The following KAT6A variants were observed in gnomAD, a reference collection of about 807,000 sequenced individuals.
The protein encoded by KAT6A is lysine acetyltransferase 6A.
In KAT6A, 9 loss-of-function variants were observed where a neutral mutation model predicts 198.4. That is an observed-to-expected ratio of 0.05 (90% CI 0.03 to 0.08). The LOEUF (loss-of-function observed/expected upper bound fraction) is 0.08, where lower values mean the gene tolerates loss of function less well. Among genes scored for constraint, KAT6A ranks in the 10% least tolerant of loss-of-function variants. The probability of loss-of-function intolerance (pLI) is 1.00; values close to 1 mark genes in which losing one functional copy is unlikely to be tolerated. For missense variants in KAT6A, 2,077 were observed against 2,509.9 expected, an observed-to-expected ratio of 0.83 and a Z score of 3.69; for synonymous variants, 890 against 883.0, an observed-to-expected ratio of 1.01 and a Z score of -0.14.
chr8:41,976,931 T>C (rs527592214), intron 7 of KAT6A, 77 bp downstream of exon 7: 1 of 1,162,970 alleles, frequency 8.6e-7, no homozygotes, highest in East Asian at 2.4e-5. Context: ...TATAAATCCA[T>C]TATAGATAAT....
At chr8:41,952,465 C>A (rs1389680648) in intron 9 of KAT6A, among the ~76,000 whole-genome samples, 1 of 152,146 alleles carries the variant, frequency 6.6e-6, no homozygotes, top group African/African-American at 2.4e-5. Context: ...TACTGATAAA[C>A]CAAATGAAAC....
chr8:42,025,737 T>C (rs779316729), intron 2 of KAT6A, among the ~76,000 whole-genome samples: 1 of 152,236 alleles, frequency 6.6e-6, no homozygotes, highest in Non-Finnish European at 1.5e-5. Flanking sequence ...TTTTCTTTGT[T>C]GGGCAGTAGC....
intron 12 of KAT6A, among the ~76,000 whole-genome samples, chr8:41,944,522 G>A (rs907070216): frequency 6.6e-6 from 1 of 152,124 alleles, no homozygotes; most frequent in Non-Finnish European, 1.5e-5. Context: ...GTCCTCTATA[G>A]TGCACAACTC....
At chr8:41,958,776 A>T (rs1477329786) in intron 8 of KAT6A, among the ~76,000 whole-genome samples, 1 of 152,246 alleles carries the variant, frequency 6.6e-6, no homozygotes, top group Non-Finnish European at 1.5e-5. Flanking sequence ...ATTAACTGGC[A>T]TAAGTAAGGA....
chr8:41,944,108 A>C (rs1587723627), intron 12 of KAT6A, 129 bp from the exon 13 acceptor site: 2 of 632,346 alleles, frequency 3.2e-6, no homozygotes, highest in East Asian at 5.5e-5. Flanking sequence ...CAAAAAAAAA[A>C]AGAGAGAAAC....
At chr8:41,948,015 G>C in intron 10 of KAT6A, 103 bp from the exon 11 acceptor site, 1 of 921,716 alleles carries the variant, frequency 1.1e-6, no homozygotes, top group Admixed American at 3.3e-5. Context: ...GTCCAGACTA[G>C]GAGAAGGTGT....
At chr8:42,017,138 T>C (rs1209597105) in intron 2 of KAT6A, among the ~76,000 whole-genome samples, 1 of 152,236 alleles carries the variant, frequency 6.6e-6, no homozygotes, top group African/African-American at 2.4e-5. Context: ...AGATTATCTA[T>C]GTATCTCTAT....
chr8:41,977,923 G>A (rs1824141966), intron 6 of KAT6A, among the ~76,000 whole-genome samples: 1 of 152,102 alleles, frequency 6.6e-6, no homozygotes, highest in Non-Finnish European at 1.5e-5. Flanking sequence ...AGTCTTACGT[G>A]TAAAAAAAGT....
intron 2 of KAT6A, among the ~76,000 whole-genome samples, chr8:42,004,936 A>G (rs944535657): frequency 6.6e-6 from 1 of 152,132 alleles, no homozygotes; most frequent in Non-Finnish European, 1.5e-5. Flanking sequence ...CTCTAAAAAA[A>G]AAAAAGGCAC....
chr8:42,035,831 G>A (rs1827349731), intron 2 of KAT6A, among the ~76,000 whole-genome samples: 1 of 152,148 alleles, frequency 6.6e-6, no homozygotes, highest in African/African-American at 2.4e-5. Context: ...ATAGAAAGAA[G>A]GATCTGCAGT....
Position 41,931,527 on chromosome 8 carries a change from C to A in KAT6A, c.*678G>T. On this transcript the variant is annotated 3_prime_UTR_variant, in exon 17 of 17. Transcript: ENST00000265713. Reference sequence around the variant, plus strand: ...GAACAACAAAGATTTCAATGAAGTCCGTCTATAAAGAAACATTCTTGGGGA... The same window carrying A: ...GAACAACAAAGATTTCAATGAAGTCAGTCTATAAAGAAACATTCTTGGGGA... 1 of 205,634 alleles carries A rather than the reference C, an allele frequency of 4.9e-6. No individual in the cohort carries two copies. Among genetic ancestry groups the A allele is most frequent in the Non-Finnish European group, 9.9e-6 (1 of 100,566 alleles). 12.7% of individuals were successfully genotyped at this position (205,634 alleles called of 1,614,324 possible). A position where few individuals can be genotyped will look rare whatever the true frequency, so the allele number is the denominator to read the frequency against.
At chr8:42,041,894 G>GT (rs1262873965) in intron 2 of KAT6A, among the ~76,000 whole-genome samples, 12 of 151,598 alleles carry the variant, frequency 7.9e-5, no homozygotes, top group South Asian at 2.1e-4. Flanking sequence ...AAGATTTTTT[G>GT]TTTTTTTTGT....
At chr8:42,024,028 T>C (rs981727285) in intron 2 of KAT6A, among the ~76,000 whole-genome samples, 1 of 152,190 alleles carries the variant, frequency 6.6e-6, no homozygotes, top group South Asian at 2.1e-4. Context: ...TTTGGAATAC[T>C]TCCTGAGGGA....
At chr8:42,004,512 A>T (rs1424196774) in intron 2 of KAT6A, among the ~76,000 whole-genome samples, 1 of 152,242 alleles carries the variant, frequency 6.6e-6, no homozygotes, top group Non-Finnish European at 1.5e-5. Context: ...TTTATAAAAA[A>T]TCTTGAAAAT....
intron 3 of KAT6A, among the ~76,000 whole-genome samples, chr8:41,984,040 T>G (rs1824487224): frequency 6.6e-6 from 1 of 152,242 alleles, no homozygotes; most frequent in Admixed American, 6.5e-5. Context: ...TTCCCCCAAA[T>G]TATTCTTGCT....
At chr8:42,025,520 A>AT (rs1439281393) in intron 2 of KAT6A, among the ~76,000 whole-genome samples, 1 of 151,932 alleles carries the variant, frequency 6.6e-6, no homozygotes, top group Non-Finnish European at 1.5e-5. Flanking sequence ...TTGGCTGGGC[A>AT]TTTTTTTATA....
chr8:42,048,537 T>A lies in KAT6A; in HGVS notation c.441A>T (p.Leu147Phe). 6.2e-7 allele frequency: 1 copy of A among 1,614,224 alleles called. No individual in the cohort carries two copies. The highest frequency in any genetic ancestry group is 8.5e-7 in the Non-Finnish European group (1 of 1,180,032). The change falls in exon 2 of 17, where the codon TTA becomes TTT. Residue 147 changes from leucine to phenylalanine, a missense_variant. Physicochemically the swap from Leu to Phe is conservative, Grantham distance 22 (BLOSUM62 0). This residue lies in a region of KAT6A where 185 missense variants were observed against 185.7 expected (regional missense o/e 1.00). Transcript: ENST00000265713. ...GSAASGFHQQLRLAIKRAIGH... is the reference protein window; with the variant it reads ...GSAASGFHQQFRLAIKRAIGH... Reference sequence around the variant, plus strand: ...CAATGGCACGTTTGATAGCCAATCGTAACTGCTGGTGAAAGCCAGAGGCAG... The same window carrying A: ...CAATGGCACGTTTGATAGCCAATCGAAACTGCTGGTGAAAGCCAGAGGCAG...
intron 2 of KAT6A, among the ~76,000 whole-genome samples, chr8:41,997,925 G>T (rs1202637383): frequency 6.6e-6 from 1 of 152,158 alleles, no homozygotes; most frequent in Non-Finnish European, 1.5e-5. Flanking sequence ...ATTAAGAGGA[G>T]TTAAGTCTTA....
chr8:42,018,936 AAAAC>A (rs1250342974), intron 2 of KAT6A, among the ~76,000 whole-genome samples: 11 of 152,322 alleles, frequency 7.2e-5, no homozygotes, highest in Middle Eastern at 3.4e-3. Context: ...AAAAAAAACA[AAAAC>A]AAACAAACAA....
Sources: gnomAD v4.1 joint callset for allele counts (sites outside exome capture counted in the v4.1 genomes callset) on GRCh38, gnomAD v4.1.1 for gene constraint, gnomAD v4.1.1 regional missense constraint, MANE v1.5 for transcripts, NCBI Gene and HGNC (gene_info 2026-07-23, HGNC 2026-07-21) for gene names.